ZBTB16: variants seen among roughly 807,000 people sequenced by gnomAD.
The protein encoded by ZBTB16 is zinc finger and BTB domain containing 16, also known as zinc finger and BTB domain-containing protein 16.
Under a neutral mutation model 56.8 loss-of-function variants are expected in ZBTB16, and 8 were observed. The observed-to-expected ratio is 0.14, with a 90% CI of 0.08 to 0.25. ZBTB16 has a LOEUF of 0.25. ZBTB16 is among the 10% of genes least tolerant of loss of function. The pLI is 1.00. For synonymous variants in ZBTB16, 363 were observed against 368.5 expected (o/e 0.98, Z 0.17); for missense variants, 625 against 903.0 (o/e 0.69, Z 3.95).
intron 3 of ZBTB16, among the ~76,000 whole-genome samples, chr11:114,158,275 T>C (rs1942478956): frequency 6.6e-6 from 1 of 152,180 alleles, no homozygotes; most frequent in South Asian, 2.1e-4. Flanking sequence ...GTCTTTGCCC[T>C]CTCAGCCGCA....
chr11:114,142,375 G>A (rs1239203404), intron 2 of ZBTB16, among the ~76,000 whole-genome samples: 1 of 152,166 alleles, frequency 6.6e-6, no homozygotes. Context: ...ACAACGGATT[G>A]CCTAGAGTTA....
chr11:114,151,919 C>T (rs12293552), intron 2 of ZBTB16, among the ~76,000 whole-genome samples: 8 of 152,148 alleles, frequency 5.3e-5, no homozygotes, highest in African/African-American at 1.9e-4. Context: ...TTGGGTCTCT[C>T]CTTGCTGCCC....
At chr11:114,149,655 G>A (rs1265024678) in intron 2 of ZBTB16, among the ~76,000 whole-genome samples, 1 of 152,166 alleles carries the variant, frequency 6.6e-6, no homozygotes, top group African/African-American at 2.4e-5. Flanking sequence ...TAGTCAGGGA[G>A]CAACGAACTC....
rs1480945966 is a variant in ZBTB16 at position 114,190,090 on chromosome 11, A to G, written c.1453+3052A>G. ...AGATGCAAAATGATTCTGTTCATGTAAAATATCTAGAATAGGCAAATCTAT... is the reference window on the plus strand; with the variant it reads ...AGATGCAAAATGATTCTGTTCATGTGAAATATCTAGAATAGGCAAATCTAT... On this transcript the variant is annotated intron_variant, in intron 4 of 6. Transcript: ENST00000335953. Among the ~76,000 whole-genome samples, 5 of 152,228 alleles carry G rather than the reference A, an allele frequency of 3.3e-5. No homozygotes were observed. The East Asian group carries it at 7.7e-4, about 23-fold the overall frequency.
At chr11:114,113,909 A>G (rs1469593029) in intron 2 of ZBTB16, among the ~76,000 whole-genome samples, 1 of 152,244 alleles carries the variant, frequency 6.6e-6, no homozygotes, top group Non-Finnish European at 1.5e-5. Flanking sequence ...AGTCAACACA[A>G]AGTTGCACAA....
chr11:114,128,690 G>A (rs1404294691), intron 2 of ZBTB16, among the ~76,000 whole-genome samples: 1 of 152,174 alleles, frequency 6.6e-6, no homozygotes, highest in Non-Finnish European at 1.5e-5. Flanking sequence ...GTAAAGTGAA[G>A]TTCAGGTCCT....
At chr11:114,110,954 T>C (rs1940981015) in intron 2 of ZBTB16, among the ~76,000 whole-genome samples, 1 of 152,236 alleles carries the variant, frequency 6.6e-6, no homozygotes, top group Non-Finnish European at 1.5e-5. Context: ...TTGCTTTCAT[T>C]AACAGTATAA....
intron 4 of ZBTB16, among the ~76,000 whole-genome samples, chr11:114,207,032 A>G (rs780617669): frequency 6.6e-6 from 1 of 152,158 alleles, no homozygotes; most frequent in Non-Finnish European, 1.5e-5. Flanking sequence ...CGACTGCCTC[A>G]TTCCTGTAAG....
intron 2 of ZBTB16, among the ~76,000 whole-genome samples, chr11:114,133,857 C>T (rs1181743658): frequency 2.6e-5 from 4 of 152,224 alleles, no homozygotes; most frequent in Admixed American, 2.6e-4. Flanking sequence ...GGCCAGATTA[C>T]AGTGTCAAAG....
At chr11:114,169,536 C>A (rs1002931444) in intron 3 of ZBTB16, among the ~76,000 whole-genome samples, 3 of 152,142 alleles carry the variant, frequency 2.0e-5, no homozygotes, top group Non-Finnish European at 4.4e-5. Flanking sequence ...TGCAGGAAAT[C>A]GTTTGTGAAG....
At chr11:114,222,077 G>C (rs868653957) in intron 4 of ZBTB16, among the ~76,000 whole-genome samples, 1 of 152,138 alleles carries the variant, frequency 6.6e-6, no homozygotes, top group South Asian at 2.1e-4. Flanking sequence ...GTGTGGAATC[G>C]TGCTTGGTGG....
At chr11:114,195,194 C>G (rs1398128772) in intron 4 of ZBTB16, among the ~76,000 whole-genome samples, 1 of 152,180 alleles carries the variant, frequency 6.6e-6, no homozygotes, top group East Asian at 1.9e-4. Flanking sequence ...AGCGAGATAA[C>G]TTGGCTGCTG....
In ZBTB16 at chr11:114,250,308, CT is replaced by C. The variant is rs1944895289; in HGVS notation, c.1793-17del. On this transcript the variant is annotated splice_polypyrimidine_tract_variant and intron_variant, in intron 6 of 6. Transcript: ENST00000335953. This position sits in a 1 kb window ranked among gnomAD's most constrained non-coding sequence, Gnocchi z 6.0. ...CTGTCTGTCCTCACTTTCTCCTGCC[CT>C]GTCCCTCCGCCCTCAGGTGAGAAGC... is the stretch of plus-strand genomic sequence containing the variant. 1.2e-6 allele frequency: 2 copies of C among 1,608,188 alleles called. No individual in the cohort carries two copies. The highest frequency in any genetic ancestry group is 1.3e-5 in the African/African-American group (1 of 75,040).
chr11:114,242,495 T>C (rs1054614690), intron 5 of ZBTB16, among the ~76,000 whole-genome samples, 158 bp downstream of exon 5: 2 of 152,178 alleles, frequency 1.3e-5, no homozygotes, highest in South Asian at 2.1e-4. Context: ...CAGGTAAATG[T>C]GGACAGTTCT....
intron 4 of ZBTB16, among the ~76,000 whole-genome samples, chr11:114,226,199 T>A (rs928862638): frequency 1.3e-5 from 2 of 152,232 alleles, no homozygotes; most frequent in South Asian, 4.1e-4. Flanking sequence ...AGTAACTGAG[T>A]GAGGGGTACA....
chr11:114,231,178 G>A (rs146292719), intron 4 of ZBTB16, among the ~76,000 whole-genome samples: 221 of 152,248 alleles, frequency 1.5e-3, no homozygotes, highest in African/African-American at 4.7e-3. Context: ...CAAGGAAATT[G>A]GGTCTTACCT....
At position 114,252,502 on chromosome 11, in the gene ZBTB16, C is replaced by T. The variant is rs755708520; in HGVS notation, c.*1947C>T. ...TCCTTTCCCGCCTCCCATTCTGCTGCTCTTCCTCCCTCTTTTCCCCAACCT... is the reference window on the plus strand; with the variant it reads ...TCCTTTCCCGCCTCCCATTCTGCTGTTCTTCCTCCCTCTTTTCCCCAACCT... On this transcript the variant is annotated 3_prime_UTR_variant, in exon 7 of 7. Transcript: ENST00000335953. 6.6e-6 allele frequency among the ~76,000 whole-genome samples: 1 copy of T among 152,170 alleles called. No individual in the cohort carries two copies. The highest frequency in any genetic ancestry group is 1.5e-5 in the Non-Finnish European group (1 of 68,038).
chr11:114,187,473 C>T (rs1230952193), intron 4 of ZBTB16: 1 of 247,666 alleles, frequency 4.0e-6, no homozygotes, highest in African/African-American at 2.2e-5. Flanking sequence ...GAGACATTGT[C>T]TAAAATCAGC....
At chr11:114,077,880 G>C (rs1939626589) in intron 2 of ZBTB16, among the ~76,000 whole-genome samples, 4 of 152,230 alleles carry the variant, frequency 2.6e-5, no homozygotes, top group Admixed American at 2.6e-4. Flanking sequence ...ATTTGCATAA[G>C]AGGTTGCTGT....
Sources: gnomAD v4.1 joint callset for allele counts (sites outside exome capture counted in the v4.1 genomes callset) on GRCh38, gnomAD v4.1.1 for gene constraint, Gnocchi (gnomAD v3.1) non-coding constraint, MANE v1.5 for transcripts, NCBI Gene and HGNC (gene_info 2026-07-23, HGNC 2026-07-21) for gene names.